SLC24A4: variants seen among roughly 807,000 people sequenced by gnomAD.
SLC24A4 encodes solute carrier family 24 member 4.
Under a neutral mutation model 79.0 loss-of-function variants are expected in SLC24A4, and 53 were observed. The ratio of observed to expected loss-of-function variants is 0.67; its 90% CI spans 0.54 to 0.84. The LOEUF (loss-of-function observed/expected upper bound fraction) is 0.84, where lower values mean the gene tolerates loss of function less well. SLC24A4 is among the 40% of genes least tolerant of loss of function. The pLI, the probability that SLC24A4 is intolerant of heterozygous loss-of-function variation, is 0.00. For synonymous variants in SLC24A4, 323 were observed against 323.8 expected (o/e 1.00, Z 0.03); for missense variants, 731 against 822.0 (o/e 0.89, Z 1.35).
intron 2 of SLC24A4, among the ~76,000 whole-genome samples, chr14:92,430,947 C>T (rs1005613900): frequency 6.6e-6 from 1 of 152,366 alleles, no homozygotes; most frequent in Admixed American, 6.5e-5. Flanking sequence ...CCCCCTCAGA[C>T]ACGCAAGCAT....
At chr14:92,464,635 G>A (rs1476518927) in intron 12 of SLC24A4, among the ~76,000 whole-genome samples, 1 of 151,996 alleles carries the variant, frequency 6.6e-6, no homozygotes. Context: ...CAGCCTCACC[G>A]CAATTCTGCT....
intron 12 of SLC24A4, among the ~76,000 whole-genome samples, chr14:92,473,211 C>T (rs1894532784): frequency 6.6e-6 from 1 of 152,206 alleles, no homozygotes; most frequent in African/African-American, 2.4e-5. Context: ...TGCATTTGAG[C>T]ATGAACTTAG....
intron 2 of SLC24A4, among the ~76,000 whole-genome samples, chr14:92,404,531 A>G (rs921534195): frequency 4.6e-5 from 7 of 152,136 alleles, no homozygotes; most frequent in African/African-American, 1.7e-4. Context: ...CTTTTCTCCA[A>G]CACAGCAGCA....
At chr14:92,368,299 G>T (rs1015076972) in intron 2 of SLC24A4, among the ~76,000 whole-genome samples, 1 of 152,212 alleles carries the variant, frequency 6.6e-6, no homozygotes, top group South Asian at 2.1e-4. Context: ...TCCCAGGAAA[G>T]CTTCATGACC....
At chr14:92,448,690 G>A (rs1402854022) in intron 9 of SLC24A4, among the ~76,000 whole-genome samples, 1 of 152,254 alleles carries the variant, frequency 6.6e-6, no homozygotes, top group Admixed American at 6.5e-5. Flanking sequence ...AGCATCCTGG[G>A]AGCAAGATCT....
chr14:92,326,910 T>C (rs1885174550), intron 2 of SLC24A4, among the ~76,000 whole-genome samples: 1 of 152,164 alleles, frequency 6.6e-6, no homozygotes, highest in Non-Finnish European at 1.5e-5. Context: ...TGGGAGAAAC[T>C]GGGAAGGCTG....
chr14:92,492,997 C>G, intron 16 of SLC24A4: 7 of 384,324 alleles, frequency 1.8e-5, no homozygotes, highest in Non-Finnish European at 2.6e-5. Flanking sequence ...CACACACACA[C>G]ACACACACAC....
intron 12 of SLC24A4, among the ~76,000 whole-genome samples, chr14:92,475,167 C>G (rs1211301619): frequency 6.6e-6 from 1 of 152,080 alleles, no homozygotes; most frequent in Non-Finnish European, 1.5e-5. Flanking sequence ...GACTGCTCCC[C>G]CAGTGACCCA....
At chr14:92,396,914 C>T (rs1889810421) in intron 2 of SLC24A4, among the ~76,000 whole-genome samples, 1 of 151,046 alleles carries the variant, frequency 6.6e-6, no homozygotes, top group African/African-American at 2.5e-5. Flanking sequence ...TAGGGCACCA[C>T]TTCTATACTG....
Position 92,456,741 on chromosome 14 carries a change from C to G in SLC24A4, c.1255+133C>G, listed in dbSNP as rs1893495767. The G allele has an allele frequency of 5.6e-6, 5 of 896,910 alleles. No homozygotes were observed. The South Asian group carries it at 8.2e-5, about 15-fold the overall frequency. 55.6% of individuals were successfully genotyped at this position (896,910 alleles called of 1,614,324 possible). A position where few individuals can be genotyped will look rare whatever the true frequency, so the allele number is the denominator to read the frequency against. On this transcript the variant is annotated intron_variant, in intron 12 of 16. Coordinates refer to ENST00000532405, the MANE Select transcript of SLC24A4 (RefSeq NM_153646.4). ...CTGGTGCAAAGGGTCGATATTAGGT[C>G]ACTGGAATGCTTAGGAGGCGAATCT...
intron 15 of SLC24A4, 125 bp from the exon 16 acceptor site, chr14:92,492,050 G>A: frequency 1.1e-6 from 1 of 876,128 alleles, no homozygotes; most frequent in Admixed American, 2.1e-5. Context: ...ACGACCATGT[G>A]GTCACCTGTA....
intron 9 of SLC24A4, 134 bp downstream of exon 9, chr14:92,447,558 A>T: frequency 1.2e-6 from 1 of 834,230 alleles, no homozygotes; most frequent in Non-Finnish European, 1.9e-6. Flanking sequence ...TCTGGTAGAC[A>T]CCCTGCTGGG....
intron 2 of SLC24A4, among the ~76,000 whole-genome samples, chr14:92,344,250 T>A (rs1344285357): frequency 6.6e-6 from 1 of 152,214 alleles, no homozygotes; most frequent in Non-Finnish European, 1.5e-5. Context: ...GAGGATGGTG[T>A]GTTCTAGACG....
intron 13 of SLC24A4, chr14:92,484,036 A>C (rs1595358933): frequency 2.0e-6 from 2 of 985,344 alleles, no homozygotes; most frequent in East Asian, 1.1e-4. Context: ...CAAACCACAG[A>C]AGCTGGTGAC....
intron 2 of SLC24A4, among the ~76,000 whole-genome samples, chr14:92,342,587 T>C (rs1256154699): frequency 6.6e-6 from 1 of 152,136 alleles, no homozygotes; most frequent in Non-Finnish European, 1.5e-5. Context: ...TTTGCCATGT[T>C]GGCCAGGCTG....
At chr14:92,422,701 C>T (rs1891351333) in intron 2 of SLC24A4, among the ~76,000 whole-genome samples, 1 of 152,218 alleles carries the variant, frequency 6.6e-6, no homozygotes, top group African/African-American at 2.4e-5. Flanking sequence ...AATGGGTTCC[C>T]TTAATGATGC....
chr14:92,332,043 C>G (rs1885508964), intron 2 of SLC24A4, among the ~76,000 whole-genome samples: 1 of 152,152 alleles, frequency 6.6e-6, no homozygotes, highest in South Asian at 2.1e-4. Flanking sequence ...CTTTGAGAGG[C>G]TGAGGCAGGC....
intron 2 of SLC24A4, among the ~76,000 whole-genome samples, chr14:92,356,449 C>T (rs1887186574): frequency 6.6e-6 from 1 of 152,142 alleles, no homozygotes; most frequent in South Asian, 2.1e-4. Flanking sequence ...GGTGGTACCA[C>T]TTTGTGGTAC....
At chr14:92,384,504 T>C (rs1441766476) in intron 2 of SLC24A4, among the ~76,000 whole-genome samples, 1 of 151,400 alleles carries the variant, frequency 6.6e-6, no homozygotes, top group East Asian at 1.9e-4. Flanking sequence ...GGGTGGGGGA[T>C]TTGAAGTTGA....
Sources: gnomAD v4.1 joint callset for allele counts (sites outside exome capture counted in the v4.1 genomes callset) on GRCh38, gnomAD v4.1.1 for gene constraint, MANE v1.5 for transcripts, NCBI Gene and HGNC (gene_info 2026-07-23, HGNC 2026-07-21) for gene names.